MTUS1: variants seen among roughly 807,000 people sequenced by gnomAD.
The protein encoded by MTUS1 is microtubule associated scaffold protein 1.
MTUS1 carries 109 observed loss-of-function variants against 120.8 expected under a neutral mutation model. That is an observed-to-expected ratio of 0.90 (90% CI 0.77 to 1.06). MTUS1 has a LOEUF of 1.06. Among genes scored for constraint, MTUS1 ranks in the 50% least tolerant of loss-of-function variants. The pLI, the probability that MTUS1 is intolerant of heterozygous loss-of-function variation, is 0.00. For synonymous variants in MTUS1, 737 were observed against 550.5 expected (o/e 1.34, Z -4.74); for missense variants, 2,210 against 1,486.3 (o/e 1.49, Z -8.01).
chr8:17,756,314 C>G (rs2131350658), intron 1 of MTUS1, among the ~76,000 whole-genome samples: 1 of 152,242 alleles, frequency 6.6e-6, no homozygotes, highest in South Asian at 2.1e-4. Context: ...GACAGAGTGA[C>G]AATTCACCCA....
intron 5 of MTUS1, among the ~76,000 whole-genome samples, chr8:17,715,298 G>A (rs2131037205): frequency 6.6e-6 from 1 of 152,136 alleles, no homozygotes; most frequent in South Asian, 2.1e-4. Context: ...TTGTAAACCT[G>A]AAAATTACTT....
intron 3 of MTUS1, among the ~76,000 whole-genome samples, chr8:17,734,409 C>G (rs755995939): frequency 4.5e-4 from 68 of 152,098 alleles, no homozygotes; most frequent in Non-Finnish European, 5.9e-5. Flanking sequence ...ACAGGTGAGT[C>G]ATAACAAAAA....
intron 6 of MTUS1, among the ~76,000 whole-genome samples, chr8:17,688,852 G>A (rs1366043537): frequency 6.6e-6 from 1 of 152,116 alleles, no homozygotes; most frequent in African/African-American, 2.4e-5. Flanking sequence ...TTTCTAGGTA[G>A]ACATGGCATT....
At chr8:17,701,469 A>G (rs1819067009) in intron 6 of MTUS1, among the ~76,000 whole-genome samples, 1 of 152,248 alleles carries the variant, frequency 6.6e-6, no homozygotes. Flanking sequence ...TAAGCAAAAT[A>G]AGAGTTTAAA....
At chr8:17,776,341 G>A (rs2050431481) in intron 1 of MTUS1, among the ~76,000 whole-genome samples, 1 of 151,676 alleles carries the variant, frequency 6.6e-6, no homozygotes, top group African/African-American at 2.4e-5. Context: ...GTGGGGGCGG[G>A]GGTGATCCTG....
intron 6 of MTUS1, among the ~76,000 whole-genome samples, chr8:17,687,480 C>T (rs545423067): frequency 1.3e-5 from 2 of 152,154 alleles, no homozygotes; most frequent in African/African-American, 4.8e-5. Context: ...TTTGCCCTTA[C>T]CCTTGCTTAT....
intron 1 of MTUS1, among the ~76,000 whole-genome samples, chr8:17,790,863 T>C (rs148743230): frequency 1.7e-3 from 256 of 152,150 alleles, no homozygotes; most frequent in African/African-American, 5.8e-3. Flanking sequence ...GGCAGGCACC[T>C]GTAATCCCAG....
rs947128759 is a variant in MTUS1, at chr8:17,645,285, T to A, written c.*641A>T. On this transcript the variant is annotated 3_prime_UTR_variant, in exon 15 of 15. Coordinates refer to ENST00000693296, the MANE Select transcript of MTUS1 (RefSeq NM_001363059.2). ...GGACAAGTCAAAGCTCTTCCTGTTATACCCTCTCCCTACCCTGTTACAGGG... is the reference window on the plus strand; with the variant it reads ...GGACAAGTCAAAGCTCTTCCTGTTAAACCCTCTCCCTACCCTGTTACAGGG... 1 of 152,768 alleles carries A rather than the reference T, an allele frequency of 6.5e-6. No homozygotes were observed. Among genetic ancestry groups the A allele is most frequent in the African/African-American group, 2.4e-5 (1 of 41,582 alleles). The allele number at this position is 152,768 out of a possible 1,614,324, so 9.5% of individuals were successfully genotyped here.
intron 8 of MTUS1, among the ~76,000 whole-genome samples, chr8:17,657,799 CAA>C (rs1216051789): frequency 0.098 from 8,917 of 91,060 alleles, 196 homozygotes; most frequent in Middle Eastern, 0.14. Flanking sequence ...GACCCTATCT[CAA>C]AAAAAAAAAA....
intron 3 of MTUS1, among the ~76,000 whole-genome samples, chr8:17,734,573 G>A (rs2046804202): frequency 6.6e-6 from 1 of 152,154 alleles, no homozygotes; most frequent in South Asian, 2.1e-4. Flanking sequence ...GATGTCTGTG[G>A]CTTCAGGTGG....
chr8:17,734,975 GCAATCATAGCTCACTGTAGA>G (rs1432219835), intron 3 of MTUS1, among the ~76,000 whole-genome samples: 1 of 151,870 alleles, frequency 6.6e-6, no homozygotes, highest in East Asian at 1.9e-4. Flanking sequence ...GCACAGTGGT[GCAATCATAGCTCACTGTAGA>G]CTCAAATTTG....
chr8:17,715,759 G>T lies in MTUS1; in HGVS notation c.2584+8C>A. 2 of 1,609,872 alleles carry T rather than the reference G, an allele frequency of 1.2e-6. No homozygotes were observed. The highest frequency in any genetic ancestry group is 8.5e-7 in the Non-Finnish European group (1 of 1,178,872). On this transcript the variant is annotated splice_region_variant and intron_variant, in intron 5 of 14. Coordinates refer to ENST00000693296, the MANE Select transcript of MTUS1 (RefSeq NM_001363059.2). ...CCCTCCCTCTTCAAACCACAATGAG[G>T]ACTGTACCTTTTGGAGGAGTTTTCA...
At chr8:17,656,243 G>A (rs1208600200) in intron 8 of MTUS1, among the ~76,000 whole-genome samples, 178 bp from the exon 9 acceptor site, 1 of 152,232 alleles carries the variant, frequency 6.6e-6, no homozygotes. Context: ...AAAGGAACAC[G>A]AGGGCAGGGC....
Position 17,684,623 on chromosome 8 carries a change from A to G in MTUS1, c.2624-81T>C. ...CCACCACAAGGATTCAAAAACAACC[A>G]GATAAGCCACAGAAATCCATTTAAG... On this transcript the variant is annotated intron_variant, in intron 6 of 14. Coordinates refer to ENST00000693296, the MANE Select transcript of MTUS1 (RefSeq NM_001363059.2). 1.8e-6 allele frequency: 2 copies of G among 1,098,274 alleles called. 1 individual carries two copies. The highest frequency in any genetic ancestry group is 2.7e-6 in the Non-Finnish European group (2 of 729,696). The allele number at this position is 1,098,274 out of a possible 1,614,324, so 68.0% of individuals were successfully genotyped here. A position where few individuals can be genotyped will look rare whatever the true frequency, so the allele number is the denominator to read the frequency against.
intron 1 of MTUS1, among the ~76,000 whole-genome samples, chr8:17,767,025 A>T (rs1280440167): frequency 5.9e-5 from 9 of 152,054 alleles, no homozygotes. Context: ...TGGCACAACC[A>T]TTTGCCATCT....
chr8:17,704,207 T>C (rs1321205636), intron 6 of MTUS1: 3 of 152,202 alleles, frequency 2.0e-5, no homozygotes, highest in African/African-American at 7.2e-5. Flanking sequence ...ATCAGACGTA[T>C]GGTTTGCAAA....
rs547560826 is a variant in MTUS1 at position 17,650,895 on chromosome 8, G to A, written c.3385-933C>T. The stretch of plus-strand genomic sequence containing the variant: ...CCACTGATCAGATATGTTTAATGAA[G>A]CAACGTCTTAGGTAAGAGTCGGTGG... On this transcript the variant is annotated intron_variant, in intron 12 of 14. Transcript: ENST00000693296. Among the ~76,000 whole-genome samples, 18 of 152,316 alleles carry A rather than the reference G, an allele frequency of 1.2e-4. No individual in the cohort carries two copies. In the South Asian group the frequency reaches 3.7e-3, roughly 32 times the overall value.
At chr8:17,712,357 G>A (rs189836143) in intron 6 of MTUS1, among the ~76,000 whole-genome samples, 2 of 150,688 alleles carry the variant, frequency 1.3e-5, no homozygotes, top group East Asian at 3.9e-4. Context: ...TTTTTTTTGA[G>A]ACAGGGTCTC....
chr8:17,697,818 G>C, intron 6 of MTUS1: 1 of 663,636 alleles, frequency 1.5e-6, no homozygotes, highest in Non-Finnish European at 1.9e-6. Context: ...ACTACTTCAA[G>C]TGCCTAATGT....
Sources: allele counts gnomAD v4.1 joint callset (sites outside exome capture counted in the v4.1 genomes callset), GRCh38; gene constraint gnomAD v4.1.1; transcripts MANE v1.5; gene names NCBI Gene and HGNC (gene_info 2026-07-23, HGNC 2026-07-21).